CAMSAP1: variants seen among roughly 807,000 people sequenced by gnomAD.
CAMSAP1 encodes the protein calmodulin-regulated spectrin-associated protein 1.
In CAMSAP1, 58 loss-of-function variants were observed where a neutral mutation model predicts 143.5. The observed-to-expected ratio is 0.40, with a 90% CI of 0.33 to 0.50. The LOEUF is 0.50. Ranked by LOEUF, CAMSAP1 falls within the 20% of genes least tolerant of loss-of-function variation. The probability of loss-of-function intolerance (pLI) is 0.45; values close to 1 mark genes in which losing one functional copy is unlikely to be tolerated. For missense variants in CAMSAP1, 1,969 were observed against 2,115.7 expected, an observed-to-expected ratio of 0.93 and a Z score of 1.36; for synonymous variants, 945 against 859.3, an observed-to-expected ratio of 1.10 and a Z score of -1.74.
In CAMSAP1 at chr9:135,818,583, C is replaced by T. The variant is rs1234600499; in HGVS notation, c.3993G>A (p.Glu1331=). ...TGAGCTCGCGCCGCGCCTTCTCCTC[C>T]TCCTTCCGCACCCGGTCTTCCTCAG... ...RKAEEDRVRK[E]EEKARRELIK... Residue 1331 remains glutamate (E), a synonymous_variant, in exon 13 of 17, where the codon GAG becomes GAA. Coordinates refer to ENST00000389532, the MANE Select transcript of CAMSAP1 (RefSeq NM_015447.4). This position sits in a 1 kb window ranked among gnomAD's most constrained non-coding sequence, Gnocchi z 7.7. 6.2e-7 allele frequency: 1 copy of T among 1,613,416 alleles called. No individual in the cohort carries two copies. Among genetic ancestry groups the T allele is most frequent in the Admixed American group, 1.7e-5 (1 of 60,024 alleles).
intron 1 of CAMSAP1, among the ~76,000 whole-genome samples, 185 bp from the exon 2 acceptor site, chr9:135,883,263 G>A (rs550335710): frequency 2.0e-5 from 3 of 152,322 alleles, no homozygotes; most frequent in South Asian, 4.1e-4. Flanking sequence ...AAAGGCTCTA[G>A]GCTTTTCAAT....
intron 3 of CAMSAP1, among the ~76,000 whole-genome samples, chr9:135,868,344 T>C (rs1293539481): frequency 6.6e-6 from 1 of 152,210 alleles, no homozygotes; most frequent in Non-Finnish European, 1.5e-5. Flanking sequence ...CCTCGGGACA[T>C]GCACCTGTGC....
Position 135,818,781 on chromosome 9 carries a change from G to T in CAMSAP1, c.3960-165C>A. 9.4e-7 allele frequency: 1 copy of T among 1,066,602 alleles called. No homozygotes were observed. The highest frequency in any genetic ancestry group is 1.3e-6 in the Non-Finnish European group (1 of 755,318). 66.1% of individuals were successfully genotyped at this position (1,066,602 alleles called of 1,614,324 possible). On this transcript the variant is annotated intron_variant, in intron 12 of 16. Coordinates refer to ENST00000389532, the MANE Select transcript of CAMSAP1 (RefSeq NM_015447.4). The surrounding 1 kb of genome is among the most constrained non-coding windows in gnomAD (Gnocchi z 7.7). ...ACACAGAGGCTGCAAAGGCAGTCCT[G>T]CAGATGACCCACCGAGGCCACACAG...
chr9:135,831,082 G>A (rs1056647817), intron 7 of CAMSAP1, among the ~76,000 whole-genome samples: 3 of 152,174 alleles, frequency 2.0e-5, no homozygotes, highest in Non-Finnish European at 4.4e-5. Flanking sequence ...TGAGGCAGGA[G>A]AATCGCTTGA....
At chr9:135,879,676 C>A (rs938355977) in intron 3 of CAMSAP1, among the ~76,000 whole-genome samples, 5 of 151,332 alleles carry the variant, frequency 3.3e-5, no homozygotes, top group African/African-American at 1.2e-4. Context: ...CAAAAAAAAA[C>A]AAGCAAACAA....
chr9:135,816,869 T>A (rs376347431), intron 14 of CAMSAP1, among the ~76,000 whole-genome samples: 2 of 152,150 alleles, frequency 1.3e-5, no homozygotes, highest in African/African-American at 4.8e-5. Context: ...CTAAAGCCCC[T>A]GCGGGACAGT....
chr9:135,890,717 G>A (rs570905269), intron 1 of CAMSAP1, among the ~76,000 whole-genome samples: 16 of 152,292 alleles, frequency 1.1e-4, no homozygotes, highest in African/African-American at 3.9e-4. Flanking sequence ...AGGGACCGCT[G>A]GAAGCCAACG....
rs371566062 is a variant in CAMSAP1, at chr9:135,904,224, AC to A, written c.160+2775del. 6.5e-3 allele frequency among the ~76,000 whole-genome samples: 986 copies of A among 151,876 alleles called. 6 individuals are homozygous for A. Among genetic ancestry groups the A allele is most frequent in the African/African-American group, 0.022 (917 of 41,368 alleles). Reference sequence around the variant, plus strand: ...CAAAAATAAAAACTGTTTAAAGAAAACCCCCATCTCTACAAAAAATACAAAA... The same window carrying A: ...CAAAAATAAAAACTGTTTAAAGAAAACCCCATCTCTACAAAAAATACAAAA... On this transcript the variant is annotated intron_variant, in intron 1 of 16. Transcript: ENST00000389532.
chr9:135,853,429 A>T (rs1040178939), intron 5 of CAMSAP1, among the ~76,000 whole-genome samples: 1 of 152,196 alleles, frequency 6.6e-6, no homozygotes, highest in Non-Finnish European at 1.5e-5. Context: ...GAGACACAGA[A>T]ATAACACAAT....
chr9:135,886,319 G>C (rs1433356015), intron 1 of CAMSAP1, among the ~76,000 whole-genome samples: 1 of 152,200 alleles, frequency 6.6e-6, no homozygotes, highest in African/African-American at 2.4e-5. Flanking sequence ...GTGTCACACA[G>C]GATGAGTGCT....
At chr9:135,872,058 C>G (rs997412691) in intron 3 of CAMSAP1, among the ~76,000 whole-genome samples, 1 of 151,920 alleles carries the variant, frequency 6.6e-6, no homozygotes, top group Non-Finnish European at 1.5e-5. Context: ...CGAGATCACG[C>G]CATTGCACTC....
chr9:135,853,952 G>T (rs1836865688), intron 5 of CAMSAP1, among the ~76,000 whole-genome samples: 1 of 152,242 alleles, frequency 6.6e-6, no homozygotes, highest in Non-Finnish European at 1.5e-5. Flanking sequence ...TGACTGTAGA[G>T]AATCTGTTCA....
At chr9:135,835,843 G>A (rs907508835) in intron 7 of CAMSAP1, among the ~76,000 whole-genome samples, 16 of 152,204 alleles carry the variant, frequency 1.1e-4, no homozygotes, top group African/African-American at 3.6e-4. Context: ...AGCCAGGCAT[G>A]GTGGTGCGCA....
intron 3 of CAMSAP1, among the ~76,000 whole-genome samples, chr9:135,866,919 A>G (rs1271849200): frequency 1.3e-5 from 2 of 152,226 alleles, no homozygotes; most frequent in Non-Finnish European, 2.9e-5. Context: ...CTCACTAAAG[A>G]GCCTAACTTG....
chr9:135,872,361 G>A (rs1180887175), intron 3 of CAMSAP1, among the ~76,000 whole-genome samples: 1 of 152,112 alleles, frequency 6.6e-6, no homozygotes, highest in African/African-American at 2.4e-5. Flanking sequence ...CAGGCAGCCT[G>A]TGACGGTCTA....
Position 135,821,597 on chromosome 9 carries a change from G to C in CAMSAP1, c.3064C>G (p.Leu1022Val). ...GTTTCGTTAAGCTTCTCGATGGAAA[G>C]GTCACATTCATTCACGTCGACAACC... is the stretch of plus-strand genomic sequence containing the variant. ...GEVVDVNECDLSIEKLNETIS... is the reference protein window; with the variant it reads ...GEVVDVNECDVSIEKLNETIS... The change falls in exon 11 of 17, where the codon CTT becomes GTT. Residue 1022 changes from leucine (L) to valine (V), a missense_variant. By Grantham distance (32) the Leu-to-Val change is conservative (BLOSUM62 1). This residue lies in a region of CAMSAP1 where 1,390 missense variants were observed against 1,420.8 expected (regional missense o/e 0.98). Coordinates refer to ENST00000389532, the MANE Select transcript of CAMSAP1 (RefSeq NM_015447.4). The surrounding 1 kb of genome is among the most constrained non-coding windows in gnomAD (Gnocchi z 4.6). 6.2e-7 allele frequency: 1 copy of C among 1,614,028 alleles called. No individual in the cohort carries two copies. The highest frequency in any genetic ancestry group is 8.5e-7 in the Non-Finnish European group (1 of 1,179,890).
At chr9:135,862,287 C>T (rs1837225117) in intron 5 of CAMSAP1, among the ~76,000 whole-genome samples, 180 bp downstream of exon 5, 2 of 151,738 alleles carry the variant, frequency 1.3e-5, no homozygotes, top group Non-Finnish European at 1.5e-5. Flanking sequence ...AGATAAAATG[C>T]AGGTTAAGTA....
At chr9:135,823,837 A>T in intron 10 of CAMSAP1, 113 bp downstream of exon 10, 1 of 748,674 alleles carries the variant, frequency 1.3e-6, no homozygotes. Flanking sequence ...GATTTCAGGC[A>T]CTCCCTATAA....
chr9:135,906,901 GGC>G (rs1181094289), intron 1 of CAMSAP1, 97 bp downstream of exon 1: 2 of 729,038 alleles, frequency 2.7e-6, no homozygotes, highest in Non-Finnish European at 3.4e-6. Flanking sequence ...GCGGCACAAA[GGC>G]GCGGCGCGCG....
Sources: allele counts gnomAD v4.1 joint callset (sites outside exome capture counted in the v4.1 genomes callset), GRCh38; gene constraint gnomAD v4.1.1; regional missense constraint gnomAD v4.1.1; non-coding constraint Gnocchi (gnomAD v3.1); transcripts MANE v1.5; gene names NCBI Gene and HGNC (gene_info 2026-07-23, HGNC 2026-07-21).